Variants in FPGS observed in about 807,000 individuals in gnomAD.
FPGS encodes the protein folylpolyglutamate synthase.
Under a neutral mutation model 66.5 loss-of-function variants are expected in FPGS, and 53 were observed. The ratio of observed to expected loss-of-function variants is 0.80; its 90% confidence interval spans 0.64 to 1.00. The LOEUF is 1.00. Ranked by LOEUF, FPGS falls within the 50% of genes least tolerant of loss-of-function variation. FPGS has a pLI of 0.00. For missense variants in FPGS, 702 were observed against 807.7 expected, an observed-to-expected ratio of 0.87 and a Z score of 1.59; for synonymous variants, 348 against 350.9, an observed-to-expected ratio of 0.99 and a Z score of 0.09.
intron 11 of FPGS, 141 bp from the exon 12 acceptor site, chr9:127,809,543 A>C: frequency 1.4e-6 from 1 of 718,644 alleles, no homozygotes; most frequent in Non-Finnish European, 2.1e-6. Context: ...TGGTGCTAGT[A>C]AAAAGTTCCT....
At chr9:127,812,267 A>G (rs1051871117) in intron 14 of FPGS, among the ~76,000 whole-genome samples, 4 of 151,946 alleles carry the variant, frequency 2.6e-5, no homozygotes, top group African/African-American at 9.7e-5. Context: ...CTCTCTAAAA[A>G]TAAAAAATCT....
Position 127,805,368 on chromosome 9 carries a change from C to A in FPGS, c.386+668C>A, listed in dbSNP as rs562218803. On this transcript the variant is annotated intron_variant, in intron 4 of 14. Transcript: ENST00000373247. The stretch of plus-strand genomic sequence containing the variant: ...AAGGCTGCAGTTAGCAGTGATCATG[C>A]CATTGCACATCAGCCTGGGCGACAG... Among the ~76,000 whole-genome samples the A allele has an allele frequency of 4.5e-4, 68 of 151,696 alleles. 1 individual carries two copies. The highest frequency in any genetic ancestry group is 2.9e-3 in the Admixed American group (44 of 15,202).
chr9:127,807,084 C>T lies in FPGS; in HGVS notation c.498C>T (p.Thr166=). 3.7e-6 allele frequency: 6 copies of T among 1,613,740 alleles called. No individual in the cohort carries two copies. Among genetic ancestry groups the T allele is most frequent in the Non-Finnish European group, 4.2e-6 (5 of 1,179,620 alleles). The part of the protein sequence containing the change: ...FWRLYHRLEE[T]KDGSCVSMPP... Reference sequence around the variant, plus strand: ...GCCTCTACCACCGGCTGGAGGAGACCAAGGTGCCGCATGCAGGAGGGCTGG... The same window carrying T: ...GCCTCTACCACCGGCTGGAGGAGACTAAGGTGCCGCATGCAGGAGGGCTGG... The change falls in exon 5 of 15, where the codon ACC becomes ACT. Residue 166 remains threonine, a synonymous_variant. Transcript: ENST00000373247. The surrounding 1 kb of genome is among the most constrained non-coding windows in gnomAD (Gnocchi z 5.8).
intron 1 of FPGS, 191 bp downstream of exon 1, chr9:127,803,253 G>C: frequency 5.6e-6 from 7 of 1,247,532 alleles, no homozygotes; most frequent in Non-Finnish European, 2.0e-6. Flanking sequence ...GGCCGCCGGG[G>C]CTGGGAATTC....
intron 11 of FPGS, 140 bp downstream of exon 11, chr9:127,809,029 T>G: frequency 1.5e-6 from 1 of 664,978 alleles, no homozygotes. Context: ...GACTCTGATG[T>G]CAGCAAACCT....
intron 14 of FPGS, among the ~76,000 whole-genome samples, chr9:127,811,957 A>G (rs566935367): frequency 1.4e-4 from 22 of 152,280 alleles, no homozygotes; most frequent in Admixed American, 3.9e-4. Flanking sequence ...TCATGTTAAA[A>G]AAAGTTTGAA....
At chr9:127,810,652 G>T (rs562676575) in intron 13 of FPGS, among the ~76,000 whole-genome samples, 1 of 152,218 alleles carries the variant, frequency 6.6e-6, no homozygotes, top group East Asian at 1.9e-4. Flanking sequence ...TTCCAGCCTG[G>T]ATTTGGGGCC....
In FPGS at chr9:127,809,837, G is replaced by T; in HGVS notation, c.1211+3G>T. On this transcript the variant is annotated splice_donor_region_variant and intron_variant, in intron 12 of 14. Coordinates refer to ENST00000373247, the MANE Select transcript of FPGS (RefSeq NM_004957.6). ...CAGGGCCGCGAGAGGCCGAGCGGGT[G>T]AGGGGCAGGGCTGGGGGTGGGGCCG... is the stretch of plus-strand genomic sequence containing the variant. 1 of 1,446,120 alleles carries T rather than the reference G, an allele frequency of 6.9e-7. No homozygotes were observed. Among genetic ancestry groups the T allele is most frequent in the South Asian group, 1.4e-5 (1 of 70,792 alleles). The allele number at this position is 1,446,120 out of a possible 1,614,324, so 89.6% of individuals were successfully genotyped here. A position where few individuals can be genotyped will look rare whatever the true frequency, so the allele number is the denominator to read the frequency against.
Position 127,808,288 on chromosome 9 carries a change from AG to A in FPGS, c.802del (p.Asp268ThrfsTer26). On this transcript the variant is annotated frameshift_variant, in exon 9 of 15. Coordinates refer to ENST00000373247, the MANE Select transcript of FPGS (RefSeq NM_004957.6). LOFTEE classifies it high-confidence loss of function. ...ACCTGAAGGTCCCCTGGCAGTGCTG[AG>A]GGACCGAGCCCAGCAGATCTCAGTA... Reference protein sequence around the residue: ...LQPEGPLAVLRDRAQQISCPL... With the variant: ...LQPEGPLAVLXDRAQQISCPL... 6.2e-7 allele frequency: 1 copy of A among 1,613,900 alleles called. No homozygotes were observed. Among genetic ancestry groups the A allele is most frequent in the South Asian group, 1.1e-5 (1 of 91,078 alleles).
At chr9:127,806,378 T>C (rs1216111349) in intron 4 of FPGS, 2 of 154,838 alleles carry the variant, frequency 1.3e-5, no homozygotes, top group Non-Finnish European at 2.9e-5. Flanking sequence ...TGGTGGTGTG[T>C]GCCTGTAGTC....
In FPGS at chr9:127,809,804, A is replaced by G. The variant is rs957080851; in HGVS notation, c.1181A>G (p.Gln394Arg). Reference protein sequence around the residue: ...SAQACVRWFRQALQGRERPSG... With the variant: ...SAQACVRWFRRALQGRERPSG... Reference sequence around the variant, plus strand: ...CAGGCCTGCGTGCGCTGGTTCCGCCAGGCGCTGCAGGGCCGCGAGAGGCCG... The same window carrying G: ...CAGGCCTGCGTGCGCTGGTTCCGCCGGGCGCTGCAGGGCCGCGAGAGGCCG... The change falls in exon 12 of 15, where the codon CAG becomes CGG. Residue 394 changes from glutamine (Q) to arginine (R), a missense_variant. This residue lies in a region of FPGS where 351 missense variants were observed against 363.7 expected (regional missense o/e 0.97). Transcript: ENST00000373247. 1.2e-5 allele frequency: 18 copies of G among 1,448,820 alleles called. No individual in the cohort carries two copies. Among genetic ancestry groups the G allele is most frequent in the Non-Finnish European group, 1.5e-5 (17 of 1,105,370 alleles). 89.7% of individuals were successfully genotyped at this position (1,448,820 alleles called of 1,614,324 possible).
At chr9:127,803,208 T>TG (rs1829675832) in intron 1 of FPGS, 146 bp downstream of exon 1, 8 of 885,110 alleles carry the variant, frequency 9.0e-6, no homozygotes, top group Non-Finnish European at 1.0e-5. Flanking sequence ...TCCTGGAGGC[T>TG]GGGGGTGGGG....
At chr9:127,809,121 G>A (rs1248608117) in intron 11 of FPGS, among the ~76,000 whole-genome samples, 6 of 152,080 alleles carry the variant, frequency 3.9e-5, no homozygotes, top group African/African-American at 1.4e-4. Context: ...CACTGCCACG[G>A]GCTGTGGTGG....
At chr9:127,811,306 G>A (rs1197065610) in intron 14 of FPGS, among the ~76,000 whole-genome samples, 4 of 151,286 alleles carry the variant, frequency 2.6e-5, no homozygotes, top group Non-Finnish European at 5.9e-5. Flanking sequence ...GTGAAACCCC[G>A]TCTCTACAAA....
At chr9:127,806,537 T>A (rs1829814869) in intron 4 of FPGS, 1 of 171,830 alleles carries the variant, frequency 5.8e-6, no homozygotes, top group South Asian at 1.5e-4. Flanking sequence ...ACAATCATTT[T>A]TGGGATAAAA....
chr9:127,809,408 G>A (rs1220267351), intron 11 of FPGS, among the ~76,000 whole-genome samples: 2 of 152,188 alleles, frequency 1.3e-5, no homozygotes, highest in Admixed American at 6.5e-5. Flanking sequence ...GAGACAAACC[G>A]ACCTCGCATC....
At chr9:127,806,315 G>A (rs1324323275) in intron 4 of FPGS, among the ~76,000 whole-genome samples, 1 of 152,168 alleles carries the variant, frequency 6.6e-6, no homozygotes, top group East Asian at 1.9e-4. Context: ...AGACCAGCCT[G>A]GCTAACATGG....
intron 1 of FPGS, among the ~76,000 whole-genome samples, chr9:127,803,882 G>C (rs1009148834): frequency 3.9e-5 from 6 of 152,150 alleles, no homozygotes; most frequent in African/African-American, 1.4e-4. Context: ...GAGCTTCGGG[G>C]AACTCCAGAA....
chr9:127,804,756 T>A (rs1225435905), intron 4 of FPGS, 56 bp downstream of exon 4: 1 of 1,579,550 alleles, frequency 6.3e-7, no homozygotes, highest in African/African-American at 1.3e-5. Context: ...TGGGGGGCTA[T>A]GGAACCAGCC....
Sources: allele counts gnomAD v4.1 joint callset (sites outside exome capture counted in the v4.1 genomes callset), GRCh38; gene constraint gnomAD v4.1.1; regional missense constraint gnomAD v4.1.1; non-coding constraint Gnocchi (gnomAD v3.1); transcripts MANE v1.5; gene names NCBI Gene and HGNC (gene_info 2026-07-23, HGNC 2026-07-21).